The following SRPK2 variants were observed in gnomAD, a reference collection of about 807,000 sequenced individuals.
SRPK2 encodes the protein SRSF protein kinase 2.
Under a neutral mutation model 90.8 loss-of-function variants are expected in SRPK2, and 21 were observed. The observed-to-expected ratio is 0.23, with a 90% CI of 0.16 to 0.33. The LOEUF (loss-of-function observed/expected upper bound fraction) is 0.33. SRPK2 is among the 10% of genes least tolerant of loss of function. The pLI, the probability that SRPK2 is intolerant of heterozygous loss-of-function variation, is 1.00. For missense variants in SRPK2, 620 were observed against 869.0 expected, an observed-to-expected ratio of 0.71 and a Z score of 3.60; for synonymous variants, 288 against 311.1, an observed-to-expected ratio of 0.93 and a Z score of 0.78.
At chr7:105,283,863 G>A (rs1585525932) in intron 2 of SRPK2, among the ~76,000 whole-genome samples, 1 of 152,056 alleles carries the variant, frequency 6.6e-6, no homozygotes, top group Non-Finnish European at 1.5e-5. Context: ...AGGAGTGGTG[G>A]TGTACGCCTG....
intron 3 of SRPK2, among the ~76,000 whole-genome samples, chr7:105,174,705 G>C (rs1378144203): frequency 6.6e-6 from 1 of 152,158 alleles, no homozygotes; most frequent in Admixed American, 6.5e-5. Context: ...TAAGGATATG[G>C]AAGATTTGAA....
chr7:105,274,461 C>A (rs1191105578), intron 2 of SRPK2, among the ~76,000 whole-genome samples: 1 of 152,026 alleles, frequency 6.6e-6, no homozygotes, highest in Non-Finnish European at 1.5e-5. Flanking sequence ...ACTCGGGAGG[C>A]TGAGGCAGGA....
chr7:105,120,443 G>A (rs548948338), intron 15 of SRPK2, among the ~76,000 whole-genome samples: 1 of 152,096 alleles, frequency 6.6e-6, no homozygotes, highest in African/African-American at 2.4e-5. Flanking sequence ...AATAGTGAAA[G>A]GCCATGAGAA....
At chr7:105,183,192 T>C (rs1793115890) in intron 3 of SRPK2, among the ~76,000 whole-genome samples, 1 of 152,214 alleles carries the variant, frequency 6.6e-6, no homozygotes, top group Admixed American at 6.5e-5. Context: ...GTCATTTTAG[T>C]GCTATAAGTT....
upstream of SRPK2, among the ~76,000 whole-genome samples, chr7:105,391,417 A>G (rs1030053509): frequency 6.6e-6 from 1 of 152,006 alleles, no homozygotes; most frequent in Admixed American, 6.6e-5. Context: ...GTTGGTCAGG[A>G]TGGTATCGAA....
chr7:105,332,057 C>T (rs1428897496), intron 2 of SRPK2, among the ~76,000 whole-genome samples: 1 of 152,012 alleles, frequency 6.6e-6, no homozygotes, highest in Admixed American at 6.6e-5. Context: ...CACAAAGGCC[C>T]AAAGCAGGTA....
intron 2 of SRPK2, among the ~76,000 whole-genome samples, chr7:105,345,174 G>GGAGGA (rs202106187): frequency 1.4e-4 from 21 of 149,988 alleles, no homozygotes; most frequent in South Asian, 4.3e-4. Flanking sequence ...GGAAGGCAAG[G>GGAGGA]GAGGAGAGGA....
At position 105,146,630 on chromosome 7, in the gene SRPK2, C is replaced by T; in HGVS notation, c.650G>A (p.Ser217Asn). ...GTCAGTATGAATGATCTTGCACTTA[C>T]TGTGTAAGTAATCTAACCCTTGAAG... ...QVLQGLDYLH[S>N]KCKIIHTDIK... is the part of the protein sequence containing the mutation. Residue 217 changes from serine (S) to asparagine (N), a missense_variant, in exon 8 of 16, where the codon AGT becomes AAT. Ser to Asn is a conservative substitution (Grantham distance 46). Around this residue, in one of 8 missense-constraint regions of SRPK2, gnomAD observed 196 missense variants for 339.2 expected, o/e 0.58. Coordinates refer to ENST00000393651, the MANE Select transcript of SRPK2 (RefSeq NM_182692.3). The T allele has an allele frequency of 1.2e-6, 2 of 1,614,192 alleles. No individual in the cohort carries two copies. The highest frequency in any genetic ancestry group is 1.7e-6 in the Non-Finnish European group (2 of 1,180,004).
chr7:105,201,614 C>T (rs1326020083), intron 3 of SRPK2, among the ~76,000 whole-genome samples: 5 of 146,952 alleles, frequency 3.4e-5, no homozygotes, highest in Non-Finnish European at 4.5e-5. Flanking sequence ...TGGTTCTAGC[C>T]AGACCCTGTC....
At chr7:105,269,975 T>C (rs1306018210) in intron 2 of SRPK2, among the ~76,000 whole-genome samples, 2 of 152,162 alleles carry the variant, frequency 1.3e-5, no homozygotes, top group Non-Finnish European at 2.9e-5. Context: ...ACCTCAATAG[T>C]TTTTTAAGCA....
chr7:105,123,464 C>T (rs532344177), intron 15 of SRPK2, among the ~76,000 whole-genome samples: 34 of 152,082 alleles, frequency 2.2e-4, no homozygotes, highest in Non-Finnish European at 3.5e-4. Context: ...AAAAGTGATA[C>T]GGCATATCAA....
intron 2 of SRPK2, among the ~76,000 whole-genome samples, chr7:105,385,198 TGAGA>T (rs1821412752): frequency 7.5e-5 from 6 of 79,538 alleles, no homozygotes; most frequent in Admixed American, 1.8e-4. Context: ...TTTTTTTTTT[TGAGA>T]TGGAGTCTCG....
chr7:105,263,771 TG>T (rs973112646), intron 2 of SRPK2, among the ~76,000 whole-genome samples: 11 of 151,644 alleles, frequency 7.3e-5, no homozygotes, highest in African/African-American at 2.7e-4. Context: ...ACAAAAACAC[TG>T]AAAAAAAATT....
intron 2 of SRPK2, among the ~76,000 whole-genome samples, chr7:105,265,682 A>C (rs1347532375): frequency 6.6e-6 from 1 of 152,122 alleles, no homozygotes; most frequent in Non-Finnish European, 1.5e-5. Context: ...AAGGGAGTAA[A>C]AATGTGTCTA....
chr7:105,354,718 T>C (rs1223623717), intron 2 of SRPK2, among the ~76,000 whole-genome samples: 1 of 152,192 alleles, frequency 6.6e-6, no homozygotes, highest in African/African-American at 2.4e-5. Context: ...CCTCCTGTTG[T>C]TTTTTAATAA....
chr7:105,390,601 G>GT (rs1822139561), upstream of SRPK2, among the ~76,000 whole-genome samples: 3 of 102,166 alleles, frequency 2.9e-5, no homozygotes, highest in Admixed American at 9.9e-5. Context: ...GTTAATTTTT[G>GT]TTTTTGTTTT....
chr7:105,345,947 G>C (rs11976641), intron 2 of SRPK2, among the ~76,000 whole-genome samples: 3 of 152,244 alleles, frequency 2.0e-5, no homozygotes, highest in African/African-American at 7.2e-5. Context: ...CATAATCACA[G>C]AAAGTTCTGT....
chr7:105,120,073 T>C (rs1800114662), intron 15 of SRPK2, among the ~76,000 whole-genome samples: 2 of 152,220 alleles, frequency 1.3e-5, no homozygotes. Context: ...GTTATTTCAA[T>C]TTCCACATTT....
chr7:105,351,656 T>C (rs530956051), intron 2 of SRPK2, among the ~76,000 whole-genome samples: 1 of 151,696 alleles, frequency 6.6e-6, no homozygotes, highest in South Asian at 2.1e-4. Flanking sequence ...TACAAAAAAT[T>C]AGCTGGGTGT....
Sources: gnomAD v4.1 joint callset for allele counts (sites outside exome capture counted in the v4.1 genomes callset) on GRCh38, gnomAD v4.1.1 for gene constraint, gnomAD v4.1.1 regional missense constraint, MANE v1.5 for transcripts, NCBI Gene and HGNC (gene_info 2026-07-23, HGNC 2026-07-21) for gene names.